Variants in ADAMTS18 observed in about 807,000 individuals in gnomAD.
ADAMTS18 encodes the protein ADAM metallopeptidase with thrombospondin type 1 motif 18.
ADAMTS18 carries 157 observed loss-of-function variants against 165.9 expected under a neutral mutation model. The observed-to-expected ratio is 0.95, with a 90% CI of 0.83 to 1.08. The LOEUF is 1.08. Among genes scored for constraint, ADAMTS18 ranks in the 50% least tolerant of loss-of-function variants. The pLI, the probability that ADAMTS18 is intolerant of heterozygous loss-of-function variation, is 0.00. For missense variants in ADAMTS18, 2,040 were observed against 1,534.0 expected (o/e 1.33, Z -5.51); for synonymous variants, 782 against 578.2 (o/e 1.35, Z -5.06).
chr16:77,309,060 C>T (rs892951996), intron 16 of ADAMTS18, among the ~76,000 whole-genome samples: 1 of 152,084 alleles, frequency 6.6e-6, no homozygotes, highest in Non-Finnish European at 1.5e-5. Context: ...AGTGAGACAT[C>T]CCTTAGTCTT....
chr16:77,397,776 G>A (rs1421184121), intron 3 of ADAMTS18, among the ~76,000 whole-genome samples: 3 of 152,226 alleles, frequency 2.0e-5, no homozygotes, highest in Non-Finnish European at 4.4e-5. Context: ...ATATCCAGAT[G>A]TTGGCTTGTC....
intron 3 of ADAMTS18, among the ~76,000 whole-genome samples, chr16:77,415,917 T>C (rs945179293): frequency 7.9e-5 from 12 of 152,244 alleles, no homozygotes; most frequent in African/African-American, 1.2e-4. Context: ...AACAAACGTT[T>C]GAGTGCCTAT....
At chr16:77,312,584 G>GA (rs1395323583) in intron 16 of ADAMTS18, among the ~76,000 whole-genome samples, 3 of 152,164 alleles carry the variant, frequency 2.0e-5, no homozygotes, top group African/African-American at 7.2e-5. Flanking sequence ...TACACCTGGT[G>GA]AAAAATCTTA....
intron 14 of ADAMTS18, among the ~76,000 whole-genome samples, chr16:77,321,542 G>C (rs1222713206): frequency 6.6e-6 from 1 of 152,142 alleles, no homozygotes; most frequent in Non-Finnish European, 1.5e-5. Context: ...ATGCATGCAT[G>C]TGTACAAACA....
chr16:77,361,973 A>C (rs761066720), intron 7 of ADAMTS18, 132 bp downstream of exon 7: 22 of 1,036,316 alleles, frequency 2.1e-5, no homozygotes, highest in Non-Finnish European at 2.9e-5. Flanking sequence ...CACAGGGTAC[A>C]TTAGGTTACT....
intron 10 of ADAMTS18, among the ~76,000 whole-genome samples, chr16:77,349,208 A>C (rs1240646321): frequency 6.6e-6 from 1 of 152,170 alleles, no homozygotes; most frequent in Non-Finnish European, 1.5e-5. Context: ...TCATTAAGCC[A>C]AATAGAAAAG....
rs528477689 is a variant in ADAMTS18, at chr16:77,407,510, A to G, written c.495+23785T>C. ...ATAGTCACGACAATCCAAAAGTACA[A>G]AGATGAGGGACTTATACTCCTAAAT... On this transcript the variant is annotated intron_variant, in intron 3 of 22. Transcript: ENST00000282849. Among the ~76,000 whole-genome samples, 64 of 152,282 alleles carry G rather than the reference A, an allele frequency of 4.2e-4. 1 individual carries two copies. In the South Asian group the frequency reaches 0.012, roughly 30 times the overall value.
intron 12 of ADAMTS18, among the ~76,000 whole-genome samples, chr16:77,332,345 G>C (rs1342859745): frequency 6.6e-6 from 1 of 152,082 alleles, no homozygotes; most frequent in Non-Finnish European, 1.5e-5. Flanking sequence ...TGCTTCGGTG[G>C]GCTGACCCTC....
chr16:77,289,172 T>A, intron 22 of ADAMTS18, 92 bp downstream of exon 22: 2 of 1,515,896 alleles, frequency 1.3e-6, no homozygotes, highest in South Asian at 1.1e-5. Context: ...CCTAGAGTTG[T>A]ACAATGTCAC....
intron 11 of ADAMTS18, among the ~76,000 whole-genome samples, chr16:77,336,890 A>G (rs1375312181): frequency 6.6e-6 from 1 of 152,192 alleles, no homozygotes; most frequent in Non-Finnish European, 1.5e-5. Flanking sequence ...AGCCTCTGCA[A>G]TTAGATCCAA....
Position 77,335,756 on chromosome 16 carries a change from T to C in ADAMTS18, c.1859A>G (p.Lys620Arg), listed in dbSNP as rs2056298727. The change falls in exon 12 of 23, where the codon AAG becomes AGG. Residue 620 changes from lysine (K) to arginine (R), a missense_variant and splice_region_variant. Lys to Arg is a conservative substitution (Grantham distance 26). Transcript: ENST00000282849. ...KFQERHCNNP[K>R]PQYGGLFCPG... ...GACTAACTTTCTGCTGGAGGCTTAC[T>C]TGGGGTTATTGCAGTGTCTCTCCTG... 1 of 1,614,188 alleles carries C rather than the reference T, an allele frequency of 6.2e-7. No homozygotes were observed. Among genetic ancestry groups the C allele is most frequent in the Non-Finnish European group, 8.5e-7 (1 of 1,180,024 alleles).
chr16:77,320,522 C>T (rs1319829173), intron 15 of ADAMTS18, among the ~76,000 whole-genome samples: 1 of 151,890 alleles, frequency 6.6e-6, no homozygotes, highest in Non-Finnish European at 1.5e-5. Flanking sequence ...GCCTGTAATC[C>T]CAGCTACTCA....
chr16:77,377,570 CATT>C (rs1352370954), intron 3 of ADAMTS18, among the ~76,000 whole-genome samples: 1 of 152,222 alleles, frequency 6.6e-6, no homozygotes. Flanking sequence ...TGGGCAGTAT[CATT>C]ATTCTGTTTT....
chr16:77,331,003 G>C (rs370496933), intron 12 of ADAMTS18, among the ~76,000 whole-genome samples: 1 of 152,188 alleles, frequency 6.6e-6, no homozygotes, highest in Non-Finnish European at 1.5e-5. Context: ...TGTCTTGGGA[G>C]AGCCTATCAT....
At chr16:77,328,934 G>C (rs896415051) in intron 12 of ADAMTS18, among the ~76,000 whole-genome samples, 5 of 152,188 alleles carry the variant, frequency 3.3e-5, no homozygotes, top group Non-Finnish European at 5.9e-5. Flanking sequence ...GAAAGAAACA[G>C]AGACGAGCTC....
intron 3 of ADAMTS18, among the ~76,000 whole-genome samples, chr16:77,375,079 G>C (rs926679115): frequency 1.3e-5 from 2 of 152,106 alleles, no homozygotes; most frequent in African/African-American, 2.4e-5. Context: ...GTCTGGCTTG[G>C]TAACAGTGAA....
In ADAMTS18 at chr16:77,341,768, A is replaced by G. The variant is rs141453466; in HGVS notation, c.1646T>C (p.Val549Ala). ...AAACTTGGTCTCACACCTGTGGCCT[A>G]CTCGGTGGCACCAAAGTGATTTGCA... ...DICKSLWCHR[V>A]GHRCETKFMP... Residue 549 changes from valine to alanine, a missense_variant, in exon 11 of 23, where the codon GTA becomes GCA. By Grantham distance (64) the Val-to-Ala change is moderately conservative (BLOSUM62 0). Coordinates refer to ENST00000282849, the MANE Select transcript of ADAMTS18 (RefSeq NM_199355.4). The G allele has an allele frequency of 2.5e-4, 400 of 1,613,418 alleles. 2 individuals carry two copies. The African/African-American group carries it at 5.0e-3, about 20-fold the overall frequency.
intron 3 of ADAMTS18, among the ~76,000 whole-genome samples, chr16:77,381,296 A>C (rs1488734250): frequency 3.0e-5 from 1 of 33,856 alleles, no homozygotes; most frequent in Non-Finnish European, 6.1e-5. Context: ...GGTTCCAGAG[A>C]GGGTGGGGGT....
chr16:77,420,465 G>T (rs1468025353), intron 3 of ADAMTS18, among the ~76,000 whole-genome samples: 1 of 152,204 alleles, frequency 6.6e-6, no homozygotes, highest in Non-Finnish European at 1.5e-5. Context: ...GTTCTGGGGT[G>T]AGACCTGAGC....
Sources: gnomAD v4.1 joint callset for allele counts (sites outside exome capture counted in the v4.1 genomes callset) on GRCh38, gnomAD v4.1.1 for gene constraint, MANE v1.5 for transcripts, NCBI Gene and HGNC (gene_info 2026-07-23, HGNC 2026-07-21) for gene names.